CPM: variants seen among roughly 807,000 people sequenced by gnomAD.
The protein encoded by CPM is carboxypeptidase M, also known as renal carboxypeptidase.
In CPM, 35 loss-of-function variants were observed where a neutral mutation model predicts 46.4. That is an observed-to-expected ratio of 0.75 (90% CI 0.58 to 1.00). The LOEUF (loss-of-function observed/expected upper bound fraction) is 1.00, where lower values mean the gene tolerates loss of function less well. Ranked by LOEUF, CPM falls within the 50% of genes least tolerant of loss-of-function variation. The pLI is 0.00. For synonymous variants in CPM, 195 were observed against 195.3 expected (o/e 1.00, Z 0.01); for missense variants, 422 against 530.4 (o/e 0.80, Z 2.01).
intron 1 of CPM, among the ~76,000 whole-genome samples, chr12:68,957,010 C>T (rs541174758): frequency 6.6e-6 from 1 of 152,138 alleles, no homozygotes; most frequent in African/African-American, 2.4e-5. Flanking sequence ...ACACCCTCCT[C>T]GGCCTTTATC....
chr12:68,843,201 T>C (rs1309397827), intron 5 of CPM: 1 of 225,024 alleles, frequency 4.4e-6, no homozygotes, highest in Admixed American at 5.7e-5. Flanking sequence ...AGAGTTAAAT[T>C]TGAAGGAATA....
chr12:68,911,180 T>A (rs1434918761), intron 2 of CPM, among the ~76,000 whole-genome samples: 1 of 152,216 alleles, frequency 6.6e-6, no homozygotes, highest in Non-Finnish European at 1.5e-5. Flanking sequence ...ACGGCTTCAA[T>A]GTTAGTTCAG....
At chr12:68,948,507 G>T (rs780685961) in intron 1 of CPM, among the ~76,000 whole-genome samples, 13 of 152,122 alleles carry the variant, frequency 8.5e-5, no homozygotes, top group Non-Finnish European at 2.9e-5. Flanking sequence ...ATAGGGAGTT[G>T]GGAAGGCTTT....
Position 68,852,825 on chromosome 12 carries a change from G to T in CPM, c.*3612C>A, listed in dbSNP as rs1480922866. 1 of 152,110 alleles carries T rather than the reference G, an allele frequency of 6.6e-6. No individual in the cohort carries two copies. Among genetic ancestry groups the T allele is most frequent in the Non-Finnish European group, 1.5e-5 (1 of 68,096 alleles). 9.4% of individuals were successfully genotyped at this position (152,110 alleles called of 1,614,324 possible). On this transcript the variant is annotated 3_prime_UTR_variant, in exon 9 of 9. Coordinates refer to ENST00000551568, the MANE Select transcript of CPM (RefSeq NM_198320.5). The stretch of plus-strand genomic sequence containing the variant: ...GATCCGCCTGCCTCAGCCTCCCAAA[G>T]TGCTGGGATTACAGGCATGAGCCAC...
At chr12:68,941,296 G>A (rs1888757237) in intron 1 of CPM, among the ~76,000 whole-genome samples, 1 of 152,092 alleles carries the variant, frequency 6.6e-6, no homozygotes, top group South Asian at 2.1e-4. Flanking sequence ...CCCAAATAGT[G>A]TGAGTGAAGC....
intron 1 of CPM, chr12:68,957,364 T>G (rs1358521425): frequency 4.5e-6 from 1 of 220,340 alleles, no homozygotes; most frequent in Non-Finnish European, 9.7e-6. Context: ...TCTCTGGTGA[T>G]TCTTTATTCA....
At chr12:68,953,191 G>T (rs1376826877) in intron 1 of CPM, among the ~76,000 whole-genome samples, 3 of 152,062 alleles carry the variant, frequency 2.0e-5, no homozygotes, top group South Asian at 2.1e-4. Context: ...GCTCAAGGTA[G>T]TACACTTCAC....
intron 5 of CPM, among the ~76,000 whole-genome samples, chr12:68,869,850 A>G (rs568536507): frequency 6.6e-6 from 1 of 151,156 alleles, no homozygotes; most frequent in Admixed American, 6.6e-5. Context: ...TTTTAAGAAG[A>G]GTCAACAATT....
At chr12:68,872,602 C>G (rs1010506095) in intron 3 of CPM, among the ~76,000 whole-genome samples, 1 of 152,162 alleles carries the variant, frequency 6.6e-6, no homozygotes, top group Non-Finnish European at 1.5e-5. Flanking sequence ...TCCAAAGTAT[C>G]TTCTGGAGTG....
upstream of CPM, among the ~76,000 whole-genome samples, chr12:68,933,638 C>G (rs1291445632): frequency 2.6e-5 from 4 of 152,152 alleles, no homozygotes; most frequent in African/African-American, 9.7e-5. Flanking sequence ...GAGCCCCGCG[C>G]GGGCTCCTGC....
chr12:68,938,399 A>T (rs1888705145), intron 1 of CPM, among the ~76,000 whole-genome samples: 1 of 126,826 alleles, frequency 7.9e-6, no homozygotes, highest in Non-Finnish European at 1.6e-5. Context: ...ACTCTGTCTT[A>T]AAAAAAAAAA....
At chr12:68,918,534 G>A (rs1220120079) in intron 2 of CPM, among the ~76,000 whole-genome samples, 2 of 152,082 alleles carry the variant, frequency 1.3e-5, no homozygotes, top group Non-Finnish European at 2.9e-5. Flanking sequence ...CATACACTCA[G>A]TCGAGCACAA....
chr12:68,909,871 G>C (rs549352230), intron 2 of CPM, among the ~76,000 whole-genome samples: 1 of 151,710 alleles, frequency 6.6e-6, no homozygotes, highest in Non-Finnish European at 1.5e-5. Flanking sequence ...AACATTAGGA[G>C]AAATACCTAA....
At chr12:68,918,763 C>T (rs897875841) in intron 2 of CPM, among the ~76,000 whole-genome samples, 28 of 152,304 alleles carry the variant, frequency 1.8e-4, no homozygotes, top group African/African-American at 6.7e-4. Context: ...CCATCATCAA[C>T]ATTTGCCAGG....
chr12:68,860,041 C>T (rs1225310341), intron 7 of CPM, among the ~76,000 whole-genome samples: 4 of 152,064 alleles, frequency 2.6e-5, no homozygotes, highest in South Asian at 4.1e-4. Flanking sequence ...CAGAAAAATA[C>T]GAGGCACACG....
intron 2 of CPM, among the ~76,000 whole-genome samples, chr12:68,928,213 G>A (rs1254004159): frequency 1.3e-5 from 2 of 152,114 alleles, no homozygotes; most frequent in African/African-American, 2.4e-5. Flanking sequence ...CAGAAATAAC[G>A]CCGCATATCT....
At chr12:68,889,117 C>A (rs377382937) in intron 2 of CPM, among the ~76,000 whole-genome samples, 1 of 152,140 alleles carries the variant, frequency 6.6e-6, no homozygotes, top group Non-Finnish European at 1.5e-5. Context: ...TTAACAAGTT[C>A]CTTTGGTGAT....
At chr12:68,879,129 AG>A (rs1886081536) in intron 3 of CPM, among the ~76,000 whole-genome samples, 1 of 152,236 alleles carries the variant, frequency 6.6e-6, no homozygotes, top group African/African-American at 2.4e-5. Context: ...TTGAGGTTAC[AG>A]TGAGCCATGA....
intron 1 of CPM, among the ~76,000 whole-genome samples, chr12:68,961,765 G>GATAA (rs67198834): frequency 1.3e-5 from 2 of 151,214 alleles, no homozygotes; most frequent in Admixed American, 1.3e-4. Flanking sequence ...TAAACAAACA[G>GATAA]ACAAACAACA....
Sources: gnomAD v4.1 joint callset for allele counts (sites outside exome capture counted in the v4.1 genomes callset) on GRCh38, gnomAD v4.1.1 for gene constraint, MANE v1.5 for transcripts, NCBI Gene and HGNC (gene_info 2026-07-23, HGNC 2026-07-21) for gene names.